DOCK1: variants seen among roughly 807,000 people sequenced by gnomAD.
The protein encoded by DOCK1 is dedicator of cytokinesis 1.
DOCK1 carries 138 observed loss-of-function variants against 262.7 expected under a neutral mutation model. That is an observed-to-expected ratio of 0.53 (90% CI 0.46 to 0.61). The LOEUF is 0.61. Ranked by LOEUF, DOCK1 falls within the 20% of genes least tolerant of loss-of-function variation. The probability of loss-of-function intolerance (pLI) is 0.00; values close to 1 mark genes in which losing one functional copy is unlikely to be tolerated. For synonymous variants in DOCK1, 866 were observed against 867.4 expected, an observed-to-expected ratio of 1.00 and a Z score of 0.03; for missense variants, 1,908 against 2,370.7, an observed-to-expected ratio of 0.80 and a Z score of 4.05.
rs972557806 is a variant in DOCK1, at chr10:127,249,372, T to C, written c.2949+1263T>C. ...TTTTATACTTATATATACATATATA[T>C]ACACATATGTACATATATACACACA... On this transcript the variant is annotated intron_variant, in intron 28 of 51. Transcript: ENST00000623213. Among the ~76,000 whole-genome samples, 6 of 141,998 alleles carry C rather than the reference T, an allele frequency of 4.2e-5. No individual in the cohort carries two copies. In the East Asian group the frequency reaches 8.3e-4, roughly 20 times the overall value. 93.2% of individuals were successfully genotyped at this position (141,998 alleles called of 152,430 possible).
intron 28 of DOCK1, among the ~76,000 whole-genome samples, chr10:127,251,974 T>A (rs573323649): frequency 2.6e-5 from 4 of 152,236 alleles, no homozygotes; most frequent in Admixed American, 6.5e-5. Flanking sequence ...GACTTCCACA[T>A]TGGTTGAACT....
intron 23 of DOCK1, among the ~76,000 whole-genome samples, chr10:127,064,523 T>C (rs967151026): frequency 2.6e-5 from 4 of 152,184 alleles, no homozygotes; most frequent in Admixed American, 2.6e-4. Context: ...AAAACACAAA[T>C]GGAGGACGCG....
intron 43 of DOCK1, among the ~76,000 whole-genome samples, chr10:127,414,074 G>A (rs1386459972): frequency 6.6e-6 from 1 of 152,202 alleles, no homozygotes; most frequent in South Asian, 2.1e-4. Flanking sequence ...ACCACATCTG[G>A]CTAATTTTTG....
chr10:127,147,753 C>G (rs1021460311), intron 27 of DOCK1, among the ~76,000 whole-genome samples: 1 of 152,106 alleles, frequency 6.6e-6, no homozygotes, highest in African/African-American at 2.4e-5. Flanking sequence ...CTGTCCTTGT[C>G]TGGGCACGGT....
At position 127,418,487 on chromosome 10, in the gene DOCK1, C is replaced by A; in HGVS notation, c.4638C>A (p.Leu1546=). Residue 1546 remains leucine (L), a synonymous_variant, in exon 45 of 52, where the codon CTC becomes CTA. Coordinates refer to ENST00000623213, the MANE Select transcript of DOCK1 (RefSeq NM_001290223.2). ...PSLPINPLSM[L]LNGIVDPAVM... ...TGCCCATCAACCCGCTCTCCATGCT[C>A]CTGAACGGCATCGTGGACCCAGCTG... The A allele has an allele frequency of 6.2e-7, 1 of 1,614,136 alleles. No homozygotes were observed. The highest frequency in any genetic ancestry group is 8.5e-7 in the Non-Finnish European group (1 of 1,180,030).
rs2064442792 is a variant in DOCK1, at chr10:127,361,458, CG to C, written c.3284-605del. 8.5e-5 allele frequency among the ~76,000 whole-genome samples: 13 copies of C among 152,186 alleles called. 1 individual carries two copies. In the South Asian group the frequency reaches 2.5e-3, roughly 29 times the overall value. ...AGCATTTTCCTATCAAACAATAGCTCGAAAAGGTAGAATCACTGCTGTTTTT... is the reference window on the plus strand; with the variant it reads ...AGCATTTTCCTATCAAACAATAGCTCAAAAGGTAGAATCACTGCTGTTTTT... On this transcript the variant is annotated intron_variant, in intron 32 of 51. Transcript: ENST00000623213.
At chr10:127,106,647 G>A (rs2048546417) in intron 24 of DOCK1, among the ~76,000 whole-genome samples, 1 of 152,082 alleles carries the variant, frequency 6.6e-6, no homozygotes, top group East Asian at 1.9e-4. Flanking sequence ...TCCTGACATA[G>A]GAGCTTTAAT....
chr10:127,133,786 C>T (rs980310169), intron 27 of DOCK1, among the ~76,000 whole-genome samples: 1 of 152,224 alleles, frequency 6.6e-6, no homozygotes, highest in African/African-American at 2.4e-5. Context: ...ATAGGATCCA[C>T]TGTAGCATGA....
intron 29 of DOCK1, among the ~76,000 whole-genome samples, chr10:127,266,890 A>G (rs939824268): frequency 1.3e-5 from 2 of 152,178 alleles, no homozygotes; most frequent in African/African-American, 4.8e-5. Flanking sequence ...GTTTGCAGGC[A>G]CCAGGGCCAC....
At position 127,339,096 on chromosome 10, in the gene DOCK1, G is replaced by A. The variant is rs898199028; in HGVS notation, c.3123+12G>A. 1.3e-6 allele frequency: 2 copies of A among 1,561,032 alleles called. No individual in the cohort carries two copies. The highest frequency in any genetic ancestry group is 1.7e-6 in the Non-Finnish European group (2 of 1,151,912). ...ACTTTGAGCTACAGGTAAGAGAAGAGGTAGACACGACCTTTGTGGAGAAAT... is the reference window on the plus strand; with the variant it reads ...ACTTTGAGCTACAGGTAAGAGAAGAAGTAGACACGACCTTTGTGGAGAAAT... On this transcript the variant is annotated intron_variant, in intron 30 of 51. Transcript: ENST00000623213.
intron 44 of DOCK1, among the ~76,000 whole-genome samples, chr10:127,416,089 T>C (rs2068134573): frequency 6.6e-6 from 1 of 152,208 alleles, no homozygotes; most frequent in African/African-American, 2.4e-5. Context: ...AGCCTTCTCC[T>C]TTGCCCACAC....
At chr10:127,372,032 A>G (rs188288170) in intron 33 of DOCK1, among the ~76,000 whole-genome samples, 286 of 152,336 alleles carry the variant, frequency 1.9e-3, no homozygotes, top group African/African-American at 6.1e-3. Flanking sequence ...TAGGCCAGAC[A>G]GAATCAAAAA....
chr10:127,232,103 C>T (rs986046221), intron 27 of DOCK1, among the ~76,000 whole-genome samples: 1 of 150,972 alleles, frequency 6.6e-6, no homozygotes, highest in Non-Finnish European at 1.5e-5. Flanking sequence ...AGAAGCGTTC[C>T]GTAGAGGGTA....
chr10:127,251,032 G>C (rs1438957932), intron 28 of DOCK1, among the ~76,000 whole-genome samples: 1 of 151,586 alleles, frequency 6.6e-6, no homozygotes, highest in African/African-American at 2.4e-5. Flanking sequence ...GTGCAATCTC[G>C]GCTCACCACA....
chr10:126,917,397 A>G (rs551548295), intron 1 of DOCK1, among the ~76,000 whole-genome samples: 1 of 152,252 alleles, frequency 6.6e-6, no homozygotes, highest in East Asian at 1.9e-4. Flanking sequence ...CCTGTCATTC[A>G]TTCTGGTTCT....
chr10:126,928,202 C>T (rs1437226811), intron 1 of DOCK1, among the ~76,000 whole-genome samples: 1 of 152,160 alleles, frequency 6.6e-6, no homozygotes, highest in African/African-American at 2.4e-5. Context: ...TCGGAGCCTC[C>T]CAGGTCGAAT....
intron 23 of DOCK1, among the ~76,000 whole-genome samples, chr10:127,083,818 A>G (rs1424738819): frequency 6.6e-6 from 1 of 152,206 alleles, no homozygotes; most frequent in East Asian, 1.9e-4. Context: ...TTAGTATATT[A>G]TGGCACAGGA....
chr10:127,207,335 C>G (rs1414405024), intron 27 of DOCK1, among the ~76,000 whole-genome samples: 1 of 152,176 alleles, frequency 6.6e-6, no homozygotes, highest in Non-Finnish European at 1.5e-5. Flanking sequence ...AGTCAGGAAT[C>G]TTATGTAGAA....
chr10:127,261,025 GTGTC>G (rs1267169595), intron 29 of DOCK1, among the ~76,000 whole-genome samples: 8 of 143,630 alleles, frequency 5.6e-5, no homozygotes, highest in South Asian at 2.3e-4. Context: ...GTGCATGTGG[GTGTC>G]TGTATGTGTG....
Sources: gnomAD v4.1 joint callset for allele counts (sites outside exome capture counted in the v4.1 genomes callset) on GRCh38, gnomAD v4.1.1 for gene constraint, MANE v1.5 for transcripts, NCBI Gene and HGNC (gene_info 2026-07-23, HGNC 2026-07-21) for gene names.